The following DNAH2 variants were observed in gnomAD, a reference collection of about 807,000 sequenced individuals.
DNAH2 encodes the protein dynein axonemal heavy chain 2.
In DNAH2, 323 loss-of-function variants were observed where a neutral mutation model predicts 523.5. The observed-to-expected ratio is 0.62, with a 90% CI of 0.56 to 0.68. The LOEUF is 0.68. DNAH2 is among the 30% of genes least tolerant of loss of function. The pLI is 0.00. For synonymous variants in DNAH2, 2,093 were observed against 2,177.4 expected (o/e 0.96, Z 1.08); for missense variants, 4,907 against 5,701.5 (o/e 0.86, Z 4.49).
rs867109052 is a variant in DNAH2 at position 7,765,581 on chromosome 17, C to T, written c.3511+16C>T. 1.9e-6 allele frequency: 3 copies of T among 1,605,004 alleles called. No homozygotes were observed. The highest frequency in any genetic ancestry group is 1.7e-4 in the Middle Eastern group (1 of 6,032). ...GAATTCAAAGGTACTCCTTGATCCA[C>T]CTCTCCCGCTTCTTTAGCCTTTGTT... On this transcript the variant is annotated intron_variant, in intron 21 of 85. Coordinates refer to ENST00000572933, the MANE Select transcript of DNAH2 (RefSeq NM_020877.5).
In DNAH2 at chr17:7,757,149, C is replaced by T. The variant is rs981581013; in HGVS notation, c.1963C>T (p.Pro655Ser). 1 of 1,614,212 alleles carries T rather than the reference C, an allele frequency of 6.2e-7. No homozygotes were observed. The highest frequency in any genetic ancestry group is 8.5e-7 in the Non-Finnish European group (1 of 1,180,042). Reference protein sequence around the residue: ...DYWERLLFETPHYVVNVAERA... With the variant: ...DYWERLLFETSHYVVNVAERA... Reference sequence around the variant, plus strand: ...CTGGGAGCGGCTGCTGTTTGAGACGCCCCATTACGTGGTGAACGTAGCTGA... The same window carrying T: ...CTGGGAGCGGCTGCTGTTTGAGACGTCCCATTACGTGGTGAACGTAGCTGA... The change falls in exon 13 of 86, where the codon CCC (proline) becomes TCC (serine). Residue 655 changes from proline to serine, a missense_variant. Pro to Ser is a moderately conservative substitution (Grantham distance 74). Transcript: ENST00000572933.
intron 63 of DNAH2, among the ~76,000 whole-genome samples, chr17:7,808,327 C>T (rs1162921282): frequency 6.7e-6 from 1 of 149,250 alleles, no homozygotes; most frequent in Non-Finnish European, 1.5e-5. Context: ...GCCAAGTTCA[C>T]ACCACTGCAA....
At chr17:7,827,770 C>T (rs2078061108) in intron 77 of DNAH2, among the ~76,000 whole-genome samples, 1 of 151,564 alleles carries the variant, frequency 6.6e-6, no homozygotes. Context: ...ACATGGATAA[C>T]CAATTCTCCC....
At position 7,832,997 on chromosome 17, in the gene DNAH2, G is replaced by A; in HGVS notation, c.12978+69G>A. 6.2e-7 allele frequency: 1 copy of A among 1,613,548 alleles called. No individual in the cohort carries two copies. The highest frequency in any genetic ancestry group is 8.5e-7 in the Non-Finnish European group (1 of 1,179,780). On this transcript the variant is annotated intron_variant, in intron 84 of 85. Transcript: ENST00000572933. The surrounding 1 kb of genome is among the most constrained non-coding windows in gnomAD (Gnocchi z 4.3). ...TGGAAATAATTGGACGAAAAGGGAGGAGAGAGGGAGCAGGTCAGGGGCGCT... is the reference window on the plus strand; with the variant it reads ...TGGAAATAATTGGACGAAAAGGGAGAAGAGAGGGAGCAGGTCAGGGGCGCT...
intron 4 of DNAH2, among the ~76,000 whole-genome samples, chr17:7,728,854 G>A (rs2151128836): frequency 6.6e-6 from 1 of 152,170 alleles, no homozygotes; most frequent in South Asian, 2.1e-4. Flanking sequence ...GCATGATGGT[G>A]CACACCTGTA....
In DNAH2 at chr17:7,816,583, C is replaced by T. The variant is rs201232805; in HGVS notation, c.9742C>T (p.Leu3248=). Residue 3248 remains leucine (L), a synonymous_variant, in exon 64 of 86, where the codon CTG becomes TTG. Coordinates refer to ENST00000572933, the MANE Select transcript of DNAH2 (RefSeq NM_020877.5). ...QEKLREVAEK[L]EMLKKQYDEK... is the part of the protein sequence containing the mutation. Reference sequence around the variant, plus strand: ...GAATCTCTCCCAGGTAGCTGAGAAACTGGAGATGCTAAAGAAACAGTATGA... The same window carrying T: ...GAATCTCTCCCAGGTAGCTGAGAAATTGGAGATGCTAAAGAAACAGTATGA... The T allele has an allele frequency of 6.2e-7, 1 of 1,614,156 alleles. No homozygotes were observed.
chr17:7,805,640 C>T (rs571313065), intron 61 of DNAH2, among the ~76,000 whole-genome samples: 1 of 152,150 alleles, frequency 6.6e-6, no homozygotes, highest in East Asian at 1.9e-4. Context: ...CACTTGAGCC[C>T]AGGAGTTTGA....
In DNAH2 at chr17:7,798,228, C is replaced by T. The variant is rs770708165; in HGVS notation, c.8302C>T (p.Arg2768Cys). Residue 2768 changes from arginine (R) to cysteine (C), a missense_variant, in exon 54 of 86, where the codon CGC becomes TGC. This residue lies in a region of DNAH2 where 1,851 missense variants were observed against 2,139.4 expected (regional missense o/e 0.87). Coordinates refer to ENST00000572933, the MANE Select transcript of DNAH2 (RefSeq NM_020877.5). This position sits in a 1 kb window ranked among gnomAD's most constrained non-coding sequence, Gnocchi z 5.5. ...MLLVGIGGSGRQSLARLASSI... is the reference protein window; with the variant it reads ...MLLVGIGGSGCQSLARLASSI... ...CCTGGTGGGTATCGGGGGCAGCGGA[C>T]GCCAGAGTCTGGCCCGCCTGGCTTC... 6 of 1,613,744 alleles carry T rather than the reference C, an allele frequency of 3.7e-6. No homozygotes were observed. Among genetic ancestry groups the T allele is most frequent in the Admixed American group, 3.3e-5 (2 of 60,010 alleles).
chr17:7,745,095 A>G (rs1431414552), intron 12 of DNAH2, among the ~76,000 whole-genome samples: 3 of 151,958 alleles, frequency 2.0e-5, no homozygotes, highest in African/African-American at 7.3e-5. Flanking sequence ...CCTGAGTTCA[A>G]GCAATTCTCC....
chr17:7,754,963 G>C lies in DNAH2; in HGVS notation c.1905-2128G>C. ...CGCTATTGGTACAAATAAGCCTGAG[G>C]CAGAAAAAAAAAAAAAAAGAATAGG... On this transcript the variant is annotated intron_variant, in intron 12 of 85. Coordinates refer to ENST00000572933, the MANE Select transcript of DNAH2 (RefSeq NM_020877.5). This position sits in a 1 kb window ranked among gnomAD's most constrained non-coding sequence, Gnocchi z 4.6. 1 of 388,928 alleles carries C rather than the reference G, an allele frequency of 2.6e-6. No individual in the cohort carries two copies. The highest frequency in any genetic ancestry group is 4.5e-6 in the Non-Finnish European group (1 of 219,864). 24.1% of individuals were successfully genotyped at this position (388,928 alleles called of 1,614,324 possible).
intron 2 of DNAH2, among the ~76,000 whole-genome samples, chr17:7,721,004 C>CTTTTTTTT (rs71159523): frequency 9.3e-4 from 102 of 109,712 alleles, no homozygotes; most frequent in Non-Finnish European, 1.3e-3. Flanking sequence ...TTCTTTCTTT[C>CTTTTTTTT]TTTTTTTTTT....
chr17:7,792,408 A>G, intron 46 of DNAH2, 65 bp downstream of exon 46: 4 of 1,536,008 alleles, frequency 2.6e-6, no homozygotes, highest in Non-Finnish European at 3.6e-6. Flanking sequence ...GTGGCAAGAG[A>G]GATGGGGCCT....
Position 7,768,194 on chromosome 17 carries a change from C to T in DNAH2, c.3868C>T (p.Arg1290Cys), listed in dbSNP as rs774774306. The T allele has an allele frequency of 7.4e-6, 12 of 1,614,044 alleles. No individual in the cohort carries two copies. The highest frequency in any genetic ancestry group is 2.2e-5 in the South Asian group (2 of 91,082). ...AAACTGGGAAATTATTGAAACCACT[C>T]GCTCAAAAATAGAGCAGTTCAAGAG... ...DRNWEIIETTRSKIEQFKRTM... is the reference protein window; with the variant it reads ...DRNWEIIETTCSKIEQFKRTM... The change falls in exon 24 of 86, where the codon CGC (arginine) becomes TGC (cysteine). Residue 1290 changes from arginine to cysteine, a missense_variant. Around this residue, in one of 3 missense-constraint regions of DNAH2, gnomAD observed 2,806 missense variants for 3,190.8 expected, o/e 0.88. Transcript: ENST00000572933.
chr17:7,771,241 C>G (rs889231977), intron 27 of DNAH2, 89 bp from the exon 28 acceptor site: 14 of 1,566,076 alleles, frequency 8.9e-6, no homozygotes, highest in Admixed American at 1.7e-5. Context: ...TATCTTCTAC[C>G]CAACTGTCAC....
chr17:7,787,935 ACTGACTACG>A lies in DNAH2; in HGVS notation c.6685_6693del (p.Tyr2229_Asp2231del). On this transcript the variant is annotated inframe_deletion, in exon 43 of 86. Coordinates refer to ENST00000572933, the MANE Select transcript of DNAH2 (RefSeq NM_020877.5). ...TGTATCCCGCTGCGGGATGGTCTAC[ACTGACTACG>A]CTGACCTGGGCTGGAAGCCCTATGT... The A allele has an allele frequency of 3.7e-6, 6 of 1,614,190 alleles. No homozygotes were observed. The highest frequency in any genetic ancestry group is 5.1e-6 in the Non-Finnish European group (6 of 1,180,038).
intron 72 of DNAH2, among the ~76,000 whole-genome samples, chr17:7,819,778 C>A (rs1385651814): frequency 6.6e-6 from 1 of 152,184 alleles, no homozygotes; most frequent in African/African-American, 2.4e-5. Context: ...GGTGCCACTG[C>A]TCCTGGTCTG....
intron 44 of DNAH2, among the ~76,000 whole-genome samples, chr17:7,788,878 G>A (rs2076818494): frequency 6.6e-6 from 1 of 152,136 alleles, no homozygotes; most frequent in Non-Finnish European, 1.5e-5. Context: ...AAAATATGTA[G>A]ATGGGGCTGG....
intron 35 of DNAH2, 58 bp downstream of exon 35, chr17:7,778,527 ATAAACTGAAACCCAAATC>A: frequency 1.3e-6 from 2 of 1,498,606 alleles, no homozygotes; most frequent in African/African-American, 2.8e-5. Flanking sequence ...GTCCCAGAAA[ATAAACTGAAACCCAAATC>A]TGGTTCAGTG....
intron 4 of DNAH2, 144 bp from the exon 5 acceptor site, chr17:7,732,943 A>C: frequency 2.7e-6 from 2 of 727,302 alleles, no homozygotes; most frequent in Non-Finnish European, 4.5e-6. Context: ...CCGTGAAAAG[A>C]ACAGGAAGCA....
Sources: gnomAD v4.1 joint callset for allele counts (sites outside exome capture counted in the v4.1 genomes callset) on GRCh38, gnomAD v4.1.1 for gene constraint, gnomAD v4.1.1 regional missense constraint, Gnocchi (gnomAD v3.1) non-coding constraint, MANE v1.5 for transcripts, NCBI Gene and HGNC (gene_info 2026-07-23, HGNC 2026-07-21) for gene names.